Variants in CSMD1 observed in about 807,000 individuals in gnomAD.
CSMD1 encodes the protein CUB and sushi domain-containing protein 1.
CSMD1 carries 213 observed loss-of-function variants against 417.5 expected under a neutral mutation model. That is an observed-to-expected ratio of 0.51 (90% CI 0.46 to 0.57). The LOEUF is 0.57. Among genes scored for constraint, CSMD1 ranks in the 20% least tolerant of loss-of-function variants. CSMD1 has a pLI of 0.00. For missense variants in CSMD1, 6,923 were observed against 4,529.7 expected (o/e 1.53, Z -15.17); for synonymous variants, 2,862 against 1,736.8 (o/e 1.65, Z -16.11).
chr8:4,854,716 A>C (rs1801692028), intron 1 of CSMD1, among the ~76,000 whole-genome samples: 1 of 152,092 alleles, frequency 6.6e-6, no homozygotes, highest in Admixed American at 6.5e-5. Flanking sequence ...GGGCTTAAAA[A>C]ACGGTGCACC....
chr8:4,139,078 G>A (rs1014337853), intron 3 of CSMD1, among the ~76,000 whole-genome samples: 1 of 152,090 alleles, frequency 6.6e-6, no homozygotes, highest in Non-Finnish European at 1.5e-5. Flanking sequence ...GAGCAACAAT[G>A]TCTTTTACCG....
intron 31 of CSMD1, among the ~76,000 whole-genome samples, chr8:3,204,596 C>T (rs548251160): frequency 6.6e-6 from 1 of 152,104 alleles, no homozygotes; most frequent in Non-Finnish European, 1.5e-5. Context: ...GGAATCATGA[C>T]ACAATAGAAG....
intron 4 of CSMD1, among the ~76,000 whole-genome samples, chr8:4,004,168 A>G (rs1289257721): frequency 1.3e-5 from 2 of 152,272 alleles, no homozygotes; most frequent in African/African-American, 4.8e-5. Flanking sequence ...ACATTTTAAT[A>G]TAATTGTGGT....
At chr8:4,925,049 C>A (rs1806760938) in intron 1 of CSMD1, among the ~76,000 whole-genome samples, 1 of 151,956 alleles carries the variant, frequency 6.6e-6, no homozygotes, top group African/African-American at 2.4e-5. Context: ...TTACTACATA[C>A]CTTAAATAGT....
intron 1 of CSMD1, among the ~76,000 whole-genome samples, chr8:4,858,953 G>A (rs984050857): frequency 4.1e-4 from 62 of 150,392 alleles, no homozygotes; most frequent in African/African-American, 6.3e-4. Flanking sequence ...AGCCCGCATC[G>A]CCAAGGCAAT....
chr8:3,562,695 T>C (rs947111676), intron 10 of CSMD1, among the ~76,000 whole-genome samples: 1 of 151,504 alleles, frequency 6.6e-6, no homozygotes, highest in African/African-American at 2.4e-5. Context: ...TAGTTAATAA[T>C]GAAAAAAAAT....
At chr8:4,426,078 G>C (rs187161546) in intron 2 of CSMD1, among the ~76,000 whole-genome samples, 5 of 147,560 alleles carry the variant, frequency 3.4e-5, no homozygotes, top group African/African-American at 1.3e-4. Flanking sequence ...TAAATAAAAG[G>C]AATTATTTTG....
chr8:4,774,829 A>C (rs569340793), intron 1 of CSMD1, among the ~76,000 whole-genome samples: 4 of 143,792 alleles, frequency 2.8e-5, no homozygotes, highest in Non-Finnish European at 5.9e-5. Context: ...TCTTCCTCCT[A>C]CTGGAGGCAT....
chr8:4,841,040 C>G (rs562116829), intron 1 of CSMD1, among the ~76,000 whole-genome samples: 3 of 152,182 alleles, frequency 2.0e-5, no homozygotes, highest in Non-Finnish European at 4.4e-5. Flanking sequence ...CCTGTCAGCA[C>G]CAACGTTCTT....
chr8:4,381,554 G>C (rs114753814), intron 3 of CSMD1, among the ~76,000 whole-genome samples: 294 of 152,174 alleles, frequency 1.9e-3, no homozygotes, highest in African/African-American at 6.2e-3. Context: ...TATTTTTGGA[G>C]ATATGATTGC....
At chr8:2,990,596 G>T (rs1806298695) in intron 54 of CSMD1, among the ~76,000 whole-genome samples, 2 of 152,186 alleles carry the variant, frequency 1.3e-5, no homozygotes, top group African/African-American at 2.4e-5. Flanking sequence ...GGCGAAAGCA[G>T]GAGGTTTTGA....
At chr8:3,248,797 C>T (rs1386355986) in intron 26 of CSMD1, among the ~76,000 whole-genome samples, 1 of 151,972 alleles carries the variant, frequency 6.6e-6, no homozygotes, top group South Asian at 2.1e-4. Flanking sequence ...CAATTTTACC[C>T]TATTCTCTTG....
At chr8:4,111,913 C>T (rs543872755) in intron 3 of CSMD1, among the ~76,000 whole-genome samples, 43 of 152,104 alleles carry the variant, frequency 2.8e-4, no homozygotes, top group African/African-American at 8.7e-4. Context: ...CACATGTACC[C>T]CAGAACTTAA....
chr8:4,533,665 C>G (rs1432240324), intron 2 of CSMD1, among the ~76,000 whole-genome samples: 1 of 151,868 alleles, frequency 6.6e-6, no homozygotes, highest in Non-Finnish European at 1.5e-5. Context: ...TCATTGCAAA[C>G]TGAAGATTTT....
chr8:4,689,278 T>A (rs779698262), intron 1 of CSMD1, among the ~76,000 whole-genome samples: 1 of 152,214 alleles, frequency 6.6e-6, no homozygotes, highest in East Asian at 1.9e-4. Flanking sequence ...ACCAGCTCCC[T>A]AATTTTGGAT....
At chr8:3,662,771 T>A (rs1409941856) in intron 7 of CSMD1, among the ~76,000 whole-genome samples, 1 of 151,468 alleles carries the variant, frequency 6.6e-6, no homozygotes, top group African/African-American at 2.4e-5. Flanking sequence ...TTCTCACTCA[T>A]AAGTGGGGTT....
intron 3 of CSMD1, among the ~76,000 whole-genome samples, chr8:4,189,595 A>T (rs1242171496): frequency 6.6e-6 from 1 of 152,194 alleles, no homozygotes; most frequent in East Asian, 1.9e-4. Context: ...ATGTTAGTTG[A>T]TTAGTTTTTG....
intron 1 of CSMD1, among the ~76,000 whole-genome samples, chr8:4,729,687 G>C (rs1011335086): frequency 1.1e-4 from 17 of 152,152 alleles, no homozygotes; most frequent in Non-Finnish European, 2.4e-4. Flanking sequence ...GCTGTTGTTT[G>C]AAAGTTCCAG....
intron 1 of CSMD1, among the ~76,000 whole-genome samples, chr8:4,712,070 C>A (rs147476753): frequency 6.6e-6 from 1 of 152,330 alleles, no homozygotes; most frequent in East Asian, 1.9e-4. Context: ...TGCATGTTCA[C>A]TGCCATGAAG....
Sources: gnomAD v4.1 joint callset for allele counts (sites outside exome capture counted in the v4.1 genomes callset) on GRCh38, gnomAD v4.1.1 for gene constraint, MANE v1.5 for transcripts, NCBI Gene and HGNC (gene_info 2026-07-23, HGNC 2026-07-21) for gene names.